ATP8A2: variants seen among roughly 807,000 people sequenced by gnomAD.
The protein encoded by ATP8A2 is phospholipid-transporting ATPase IB.
In ATP8A2, 100 loss-of-function variants were observed where a neutral mutation model predicts 165.6. The observed-to-expected ratio is 0.60, with a 90% CI of 0.51 to 0.71. The LOEUF is 0.71. Ranked by LOEUF, ATP8A2 falls within the 30% of genes least tolerant of loss-of-function variation. The probability of loss-of-function intolerance (pLI) is 0.00; values close to 1 mark genes in which losing one functional copy is unlikely to be tolerated. For missense variants in ATP8A2, 1,227 were observed against 1,479.5 expected (o/e 0.83, Z 2.80); for synonymous variants, 543 against 548.8 (o/e 0.99, Z 0.15).
intron 24 of ATP8A2, among the ~76,000 whole-genome samples, chr13:25,637,154 A>T (rs2041391580): frequency 6.6e-6 from 1 of 150,834 alleles, no homozygotes; most frequent in Non-Finnish European, 1.5e-5. Context: ...TTGAAAGCAC[A>T]GATTGAGTCT....
At chr13:25,853,563 A>C (rs1268353914) in intron 30 of ATP8A2, among the ~76,000 whole-genome samples, 2 of 152,150 alleles carry the variant, frequency 1.3e-5, no homozygotes, top group Non-Finnish European at 2.9e-5. Flanking sequence ...TATTGGTATT[A>C]GAAGAAAATT....
intron 34 of ATP8A2, among the ~76,000 whole-genome samples, chr13:25,964,099 A>G (rs954880846): frequency 6.6e-6 from 1 of 152,194 alleles, no homozygotes; most frequent in Non-Finnish European, 1.5e-5. Flanking sequence ...ACCTGGCACC[A>G]CGGGCCCAGA....
At chr13:25,558,769 T>C (rs1046754933) in intron 13 of ATP8A2, among the ~76,000 whole-genome samples, 5 of 152,228 alleles carry the variant, frequency 3.3e-5, no homozygotes, top group African/African-American at 1.2e-4. Context: ...CGGTACACTT[T>C]GATTATATAA....
rs754029188 is a variant in ATP8A2, at chr13:25,862,344, T to G, written c.3119T>G (p.Val1040Gly). The change falls in exon 33 of 37, where the codon GTG (valine) becomes GGG (glycine). Residue 1040 changes from valine to glycine, a missense_variant. Around this residue, in one of 5 missense-constraint regions of ATP8A2, gnomAD observed 260 missense variants for 245.1 expected, o/e 1.06. Coordinates refer to ENST00000381655, the MANE Select transcript of ATP8A2 (RefSeq NM_016529.6). ...AVWGSMLTWLVFFGIYSTIWP... is the reference protein window; with the variant it reads ...AVWGSMLTWLGFFGIYSTIWP... ...TGGGGAAGCATGCTGACCTGGCTGG[T>G]GTTTTTTGGCATCTACTCGACCATC... The G allele has an allele frequency of 6.2e-7, 1 of 1,614,020 alleles. No individual in the cohort carries two copies. Among genetic ancestry groups the G allele is most frequent in the East Asian group, 2.2e-5 (1 of 44,890 alleles).
intron 1 of ATP8A2, among the ~76,000 whole-genome samples, chr13:25,424,433 T>G (rs2034385365): frequency 6.6e-6 from 1 of 152,134 alleles, no homozygotes; most frequent in Non-Finnish European, 1.5e-5. Flanking sequence ...TAGGAGGAAG[T>G]TAATTGGTGA....
At chr13:25,928,983 G>A (rs1954690052) in intron 33 of ATP8A2, among the ~76,000 whole-genome samples, 1 of 152,034 alleles carries the variant, frequency 6.6e-6, no homozygotes, top group South Asian at 2.1e-4. Context: ...AAACTTCTCT[G>A]TATCATCTAT....
chr13:25,668,002 G>A (rs1479424383), intron 24 of ATP8A2, among the ~76,000 whole-genome samples: 1 of 151,920 alleles, frequency 6.6e-6, no homozygotes, highest in Non-Finnish European at 1.5e-5. Context: ...TTTGTATATT[G>A]TATTAATATA....
intron 1 of ATP8A2, among the ~76,000 whole-genome samples, chr13:25,404,715 T>C (rs1477314808): frequency 2.0e-5 from 3 of 151,868 alleles, no homozygotes; most frequent in African/African-American, 7.3e-5. Context: ...ATAATCATTT[T>C]TCTTTTTTGG....
chr13:25,760,078 C>T (rs948997747), intron 25 of ATP8A2, among the ~76,000 whole-genome samples: 1 of 152,174 alleles, frequency 6.6e-6, no homozygotes, highest in Admixed American at 6.5e-5. Context: ...AGGGTGTCCT[C>T]CTGTTTTTCT....
At chr13:26,009,155 G>A (rs1204111575) in intron 35 of ATP8A2, among the ~76,000 whole-genome samples, 1 of 152,150 alleles carries the variant, frequency 6.6e-6, no homozygotes, top group African/African-American at 2.4e-5. Context: ...AGTAATCATA[G>A]TTAGGCCTGG....
chr13:25,999,115 T>C lies in ATP8A2; in HGVS notation c.3378-13416T>C, dbSNP rs1372459816. 2.0e-5 allele frequency among the ~76,000 whole-genome samples: 3 copies of C among 152,180 alleles called. No individual in the cohort carries two copies. The East Asian group carries it at 5.8e-4, about 29-fold the overall frequency. ...GAGAGTCGCACCACAAATCAGTTAA[T>C]ACAAAGCACACATGCAATTTTACAT... is the stretch of plus-strand genomic sequence containing the variant. On this transcript the variant is annotated intron_variant, in intron 35 of 36. Coordinates refer to ENST00000381655, the MANE Select transcript of ATP8A2 (RefSeq NM_016529.6).
chr13:25,862,285 C>A lies in ATP8A2; in HGVS notation c.3076-16C>A. On this transcript the variant is annotated splice_polypyrimidine_tract_variant and intron_variant, in intron 32 of 36. Transcript: ENST00000381655. Reference sequence around the variant, plus strand: ...CTGGTCGAGAAGCCTGTCTGAGTGTCTATTTCCCTCTGCAGTTCAGTCATC... The same window carrying A: ...CTGGTCGAGAAGCCTGTCTGAGTGTATATTTCCCTCTGCAGTTCAGTCATC... The A allele has an allele frequency of 2.5e-6, 4 of 1,605,894 alleles. No individual in the cohort carries two copies. Among genetic ancestry groups the A allele is most frequent in the Non-Finnish European group, 3.4e-6 (4 of 1,172,884 alleles).
intron 33 of ATP8A2, among the ~76,000 whole-genome samples, chr13:25,891,666 A>T (rs111622482): frequency 2.0e-4 from 31 of 152,078 alleles, no homozygotes; most frequent in African/African-American, 7.2e-4. Flanking sequence ...CTATTAACTG[A>T]TAATTTATCT....
chr13:25,717,513 G>A (rs1278794811), intron 25 of ATP8A2, among the ~76,000 whole-genome samples: 2 of 151,122 alleles, frequency 1.3e-5, no homozygotes, highest in Non-Finnish European at 2.9e-5. Flanking sequence ...ACTTACCCTA[G>A]ATCACAAAAC....
intron 35 of ATP8A2, among the ~76,000 whole-genome samples, chr13:25,970,719 T>G (rs1034266210): frequency 6.6e-6 from 1 of 152,218 alleles, no homozygotes; most frequent in African/African-American, 2.4e-5. Context: ...AAAGGTCAGC[T>G]GCTCATCTTC....
At chr13:25,509,760 T>C (rs1273939512) in intron 2 of ATP8A2, among the ~76,000 whole-genome samples, 1 of 152,226 alleles carries the variant, frequency 6.6e-6, no homozygotes, top group African/African-American at 2.4e-5. Context: ...GTAAATTAAA[T>C]GAAAAGATGA....
chr13:25,720,986 C>A (rs2043368399), intron 25 of ATP8A2, among the ~76,000 whole-genome samples: 1 of 140,562 alleles, frequency 7.1e-6, no homozygotes, highest in Admixed American at 7.3e-5. Context: ...TTTTTCCTGA[C>A]ACAGAGTCTT....
intron 10 of ATP8A2, among the ~76,000 whole-genome samples, chr13:25,545,629 CTTTTG>C (rs2038625481): frequency 6.6e-6 from 1 of 152,228 alleles, no homozygotes; most frequent in African/African-American, 2.4e-5. Context: ...CTACTTCTGG[CTTTTG>C]TTTGTTTGTT....
intron 6 of ATP8A2, among the ~76,000 whole-genome samples, chr13:25,535,323 G>A (rs537594366): frequency 2.6e-5 from 4 of 152,228 alleles, no homozygotes; most frequent in African/African-American, 4.8e-5. Flanking sequence ...ACGGGTGAGC[G>A]CCAAGAGGCA....
Sources: gnomAD v4.1 joint callset for allele counts (sites outside exome capture counted in the v4.1 genomes callset) on GRCh38, gnomAD v4.1.1 for gene constraint, gnomAD v4.1.1 regional missense constraint, MANE v1.5 for transcripts, NCBI Gene and HGNC (gene_info 2026-07-23, HGNC 2026-07-21) for gene names.